The following MGMT variants were observed in gnomAD, a reference collection of about 807,000 sequenced individuals.
MGMT encodes O-6-methylguanine-DNA methyltransferase, also known as methylated-DNA--protein-cysteine methyltransferase.
A neutral mutation model predicts 15.9 loss-of-function variants in MGMT; 14 were observed. The ratio of observed to expected loss-of-function variants is 0.88; its 90% CI spans 0.58 to 1.37. MGMT has a LOEUF of 1.37. Ranked by LOEUF, MGMT falls within the 40% of genes most tolerant of loss-of-function variation. MGMT has a pLI of 0.00. For synonymous variants in MGMT, 130 were observed against 118.2 expected, an observed-to-expected ratio of 1.10 and a Z score of -0.65; for missense variants, 282 against 268.1, an observed-to-expected ratio of 1.05 and a Z score of -0.36.
At chr10:129,595,105 T>A (rs1202187815) in intron 2 of MGMT, among the ~76,000 whole-genome samples, 4 of 152,164 alleles carry the variant, frequency 2.6e-5, no homozygotes, top group Non-Finnish European at 5.9e-5. Context: ...ATTCCATGTG[T>A]CATATATGAA....
rs553146964 is a variant in MGMT at position 129,556,623 on chromosome 10, A to G, written c.125+20246A>G. ...TGCAGCGGGAACGTCCTGCTGTAGA[A>G]GAGGCGCCGCCATCCCAGACAGTGT... On this transcript the variant is annotated intron_variant, in intron 2 of 4. Coordinates refer to ENST00000651593, the MANE Select transcript of MGMT (RefSeq NM_002412.5). This position sits in a 1 kb window ranked among gnomAD's most constrained non-coding sequence, Gnocchi z 4.3. Among the ~76,000 whole-genome samples, 13 of 152,224 alleles carry G rather than the reference A, an allele frequency of 8.5e-5. No homozygotes were observed. Among genetic ancestry groups the G allele is most frequent in the Admixed American group, 3.3e-4 (5 of 15,282 alleles).
chr10:129,741,496 G>A (rs752278259), intron 3 of MGMT, among the ~76,000 whole-genome samples: 18 of 152,174 alleles, frequency 1.2e-4, no homozygotes, highest in African/African-American at 1.7e-4. Flanking sequence ...TGTGGCCCTC[G>A]CACCAAGAAC....
At chr10:129,670,138 T>C (rs1847705686) in intron 2 of MGMT, among the ~76,000 whole-genome samples, 3 of 152,154 alleles carry the variant, frequency 2.0e-5, no homozygotes, top group African/African-American at 7.2e-5. Flanking sequence ...AGTACACCAT[T>C]GATTACACTC....
At chr10:129,551,666 A>G (rs1233944521) in intron 2 of MGMT, among the ~76,000 whole-genome samples, 1 of 152,168 alleles carries the variant, frequency 6.6e-6, no homozygotes, top group Non-Finnish European at 1.5e-5. Context: ...TTTCACCTGT[A>G]CTGACATTGT....
intron 3 of MGMT, among the ~76,000 whole-genome samples, chr10:129,722,021 A>G (rs1333939791): frequency 1.3e-5 from 2 of 152,100 alleles, no homozygotes; most frequent in African/African-American, 2.4e-5. Context: ...ATTTTCTACT[A>G]GACAAAAATA....
At chr10:129,658,859 T>C (rs1048318689) in intron 2 of MGMT, among the ~76,000 whole-genome samples, 2 of 152,160 alleles carry the variant, frequency 1.3e-5, no homozygotes, top group Admixed American at 6.5e-5. Flanking sequence ...TGCCCAACCC[T>C]AAGGCTGAAA....
chr10:129,620,128 CTTTG>C (rs1365595682), intron 2 of MGMT, among the ~76,000 whole-genome samples: 8 of 152,266 alleles, frequency 5.3e-5, no homozygotes, highest in East Asian at 3.9e-4. Context: ...TGATAGGAAA[CTTTG>C]TTTGTTAAGT....
intron 1 of MGMT, among the ~76,000 whole-genome samples, chr10:129,472,612 C>T (rs938213716): frequency 1.3e-5 from 2 of 152,186 alleles, no homozygotes; most frequent in African/African-American, 2.4e-5. Context: ...TTACAAGTTA[C>T]AATCCTGTGC....
chr10:129,576,245 T>C (rs900305640), intron 2 of MGMT, among the ~76,000 whole-genome samples: 3 of 152,178 alleles, frequency 2.0e-5, no homozygotes, highest in African/African-American at 7.2e-5. Context: ...AAGAGAATTT[T>C]AGACCAATAT....
intron 2 of MGMT, among the ~76,000 whole-genome samples, chr10:129,565,115 C>T (rs1021248991): frequency 5.3e-5 from 8 of 152,210 alleles, no homozygotes; most frequent in Admixed American, 1.3e-4. Flanking sequence ...GTAGCCTGCC[C>T]GGCGGGGCCG....
intron 2 of MGMT, among the ~76,000 whole-genome samples, chr10:129,623,377 C>T (rs1847111704): frequency 6.6e-6 from 1 of 152,104 alleles, no homozygotes; most frequent in Admixed American, 6.5e-5. Flanking sequence ...CTGGTCTGCA[C>T]ATGCCAGCTG....
intron 2 of MGMT, among the ~76,000 whole-genome samples, chr10:129,635,468 C>T (rs1847255140): frequency 6.6e-6 from 1 of 152,212 alleles, no homozygotes; most frequent in African/African-American, 2.4e-5. Context: ...TCATCTGTCT[C>T]TGTACTTTGC....
chr10:129,751,011 C>G (rs1189120614), intron 3 of MGMT, among the ~76,000 whole-genome samples: 2 of 151,970 alleles, frequency 1.3e-5, no homozygotes, highest in East Asian at 1.9e-4. Context: ...CTGAACTGTA[C>G]TCTTTTGGTT....
At chr10:129,763,604 T>G (rs1196473033) in intron 4 of MGMT, among the ~76,000 whole-genome samples, 1 of 152,188 alleles carries the variant, frequency 6.6e-6, no homozygotes, top group Non-Finnish European at 1.5e-5. Context: ...AAACCAAAGC[T>G]CTGCTGTGAA....
At chr10:129,677,281 T>C (rs181094076) in intron 2 of MGMT, among the ~76,000 whole-genome samples, 11 of 152,302 alleles carry the variant, frequency 7.2e-5, no homozygotes, top group Non-Finnish European at 2.9e-5. Flanking sequence ...ATAAGCATTT[T>C]CTATTATTTA....
intron 1 of MGMT, among the ~76,000 whole-genome samples, chr10:129,514,228 A>G (rs906382084): frequency 1.3e-4 from 20 of 152,268 alleles, no homozygotes; most frequent in African/African-American, 3.9e-4. Context: ...GAATATATCA[A>G]TATGAGAGAG....
intron 2 of MGMT, among the ~76,000 whole-genome samples, chr10:129,657,067 A>G (rs1404529055): frequency 6.6e-6 from 1 of 152,162 alleles, no homozygotes; most frequent in African/African-American, 2.4e-5. Context: ...GGGATTTGCA[A>G]CCACTTAGCA....
chr10:129,482,535 C>G (rs560453041), intron 1 of MGMT, among the ~76,000 whole-genome samples: 1 of 151,958 alleles, frequency 6.6e-6, no homozygotes, highest in East Asian at 1.9e-4. Flanking sequence ...ACTTATTACC[C>G]CTTTCAGTTC....
chr10:129,715,910 T>C (rs151296378), intron 3 of MGMT, among the ~76,000 whole-genome samples: 1 of 152,298 alleles, frequency 6.6e-6, no homozygotes, highest in Admixed American at 6.5e-5. Flanking sequence ...CCTCTTTATA[T>C]GTTGTTTCAT....
Sources: allele counts gnomAD v4.1 joint callset (sites outside exome capture counted in the v4.1 genomes callset), GRCh38; gene constraint gnomAD v4.1.1; non-coding constraint Gnocchi (gnomAD v3.1); transcripts MANE v1.5; gene names NCBI Gene and HGNC (gene_info 2026-07-23, HGNC 2026-07-21).